Variants in ARAP2 observed in about 807,000 individuals in gnomAD.
ARAP2 encodes the protein ArfGAP with RhoGAP domain, ankyrin repeat and PH domain 2, also known as arf-GAP with Rho-GAP domain, ANK repeat and PH domain-containing protein 2.
ARAP2 carries 148 observed loss-of-function variants against 194.5 expected under a neutral mutation model. That is an observed-to-expected ratio of 0.76 (90% CI 0.67 to 0.87). The LOEUF (loss-of-function observed/expected upper bound fraction) is 0.87. ARAP2 is among the 40% of genes least tolerant of loss of function. The probability of loss-of-function intolerance (pLI) is 0.00; values close to 1 mark genes in which losing one functional copy is unlikely to be tolerated. For synonymous variants in ARAP2, 695 were observed against 683.5 expected (o/e 1.02, Z -0.26); for missense variants, 2,128 against 1,989.7 (o/e 1.07, Z -1.32).
chr4:36,033,479 C>T (rs749372575), intron 5 of ARAP2, among the ~76,000 whole-genome samples: 1 of 127,636 alleles, frequency 7.8e-6, no homozygotes, highest in African/African-American at 2.7e-5. Context: ...CCTTTGCCAA[C>T]TTTTCAATGG....
chr4:36,062,639 T>A (rs950963819), downstream of ARAP2, among the ~76,000 whole-genome samples: 169 of 149,278 alleles, frequency 1.1e-3, no homozygotes, highest in Non-Finnish European at 1.4e-3. Context: ...TGAGAGTGTG[T>A]GTGTGTGTGT....
intron 31 of ARAP2, among the ~76,000 whole-genome samples, chr4:36,076,557 T>C (rs1728290361): frequency 6.6e-6 from 1 of 152,070 alleles, no homozygotes; most frequent in Non-Finnish European, 1.5e-5. Flanking sequence ...TGCCTACGCT[T>C]TAAATTTTGA....
At chr4:36,103,174 C>T (rs1717479794) in intron 27 of ARAP2, among the ~76,000 whole-genome samples, 1 of 151,562 alleles carries the variant, frequency 6.6e-6, no homozygotes, top group African/African-American at 2.4e-5. Context: ...TATTCTAATG[C>T]AAATTTAATT....
intron 1 of ARAP2, among the ~76,000 whole-genome samples, chr4:36,239,899 A>G (rs1053744846): frequency 6.6e-6 from 1 of 152,174 alleles, no homozygotes; most frequent in African/African-American, 2.4e-5. Context: ...AGCCAATTCA[A>G]GTCTTACAAG....
At chr4:36,051,121 A>G (rs1051957628) in intron 3 of ARAP2, among the ~76,000 whole-genome samples, 1 of 152,214 alleles carries the variant, frequency 6.6e-6, no homozygotes, top group Non-Finnish European at 1.5e-5. Context: ...CACTAATGGT[A>G]GTAGGTATAA....
At chr4:36,191,904 A>G (rs913120805) in intron 7 of ARAP2, among the ~76,000 whole-genome samples, 1 of 152,196 alleles carries the variant, frequency 6.6e-6, no homozygotes, top group Non-Finnish European at 1.5e-5. Flanking sequence ...GAGTCCTTAC[A>G]GAGACATGAT....
At chr4:36,221,218 G>C (rs893684540) in intron 2 of ARAP2, among the ~76,000 whole-genome samples, 2 of 151,934 alleles carry the variant, frequency 1.3e-5, no homozygotes, top group Non-Finnish European at 2.9e-5. Flanking sequence ...ATACCATCTA[G>C]ATTTGTGTAA....
chr4:36,204,414 A>T (rs1745086331), intron 6 of ARAP2, among the ~76,000 whole-genome samples: 1 of 152,094 alleles, frequency 6.6e-6, no homozygotes, highest in African/African-American at 2.4e-5. Flanking sequence ...GAAAACATTG[A>T]CTCCCTATCC....
chr4:36,161,408 C>T lies in ARAP2; in HGVS notation c.2259+57G>A, dbSNP rs58969237. On this transcript the variant is annotated intron_variant, in intron 12 of 32. Transcript: ENST00000303965. ...ACCCAAACCCACAGCAAACCTCCTC[C>T]CAGTCTCTGCAAACTGAACCCCTAT... 3.3e-3 allele frequency: 4,667 copies of T among 1,434,658 alleles called. 119 individuals are homozygous for T. In the African/African-American group the frequency reaches 0.057, roughly 18 times the overall value. 88.9% of individuals were successfully genotyped at this position (1,434,658 alleles called of 1,614,324 possible). A position where few individuals can be genotyped will look rare whatever the true frequency, so the allele number is the denominator to read the frequency against.
rs780712990 is a variant in ARAP2, at chr4:36,068,294, A to C, written c.4744-16T>G. ...CTCTTGCACTCTAAAAATAAAATTAAATGTCTCACAGGGAAGCAAGATTTG... is the reference window on the plus strand; with the variant it reads ...CTCTTGCACTCTAAAAATAAAATTACATGTCTCACAGGGAAGCAAGATTTG... On this transcript the variant is annotated splice_polypyrimidine_tract_variant and intron_variant, in intron 32 of 32. Coordinates refer to ENST00000303965, the MANE Select transcript of ARAP2 (RefSeq NM_015230.4). 1.7e-5 allele frequency: 25 copies of C among 1,506,282 alleles called. No homozygotes were observed. The highest frequency in any genetic ancestry group is 2.0e-5 in the Non-Finnish European group (23 of 1,130,052). 93.3% of individuals were successfully genotyped at this position (1,506,282 alleles called of 1,614,324 possible).
downstream of ARAP2, among the ~76,000 whole-genome samples, chr4:36,062,743 T>C (rs946079853): frequency 6.6e-6 from 1 of 152,034 alleles, no homozygotes; most frequent in South Asian, 2.1e-4. Flanking sequence ...GAACTTTAAC[T>C]CATAAAAAGG....
At chr4:36,065,395 GC>G, downstream of ARAP2, 1 of 521,224 alleles carries the variant, frequency 1.9e-6, no homozygotes, top group South Asian at 1.4e-5. Flanking sequence ...CCCAGGAATG[GC>G]TTCTCACACT....
intron 2 of ARAP2, among the ~76,000 whole-genome samples, chr4:36,224,007 ATAACTC>A (rs1276893699): frequency 1.3e-5 from 2 of 152,068 alleles, no homozygotes; most frequent in Non-Finnish European, 2.9e-5. Context: ...AAAGTAATGA[ATAACTC>A]TGATTATAAA....
intron 2 of ARAP2, among the ~76,000 whole-genome samples, chr4:36,225,834 T>C (rs1353465248): frequency 2.0e-5 from 3 of 152,164 alleles, no homozygotes; most frequent in Non-Finnish European, 4.4e-5. Context: ...AATATTTTCT[T>C]TTGGTATATC....
chr4:36,114,339 C>CT (rs1720802474), intron 25 of ARAP2, 52 bp from the exon 26 acceptor site: 1 of 1,117,816 alleles, frequency 8.9e-7, no homozygotes, highest in South Asian at 1.4e-5. Context: ...CAGAAGTAGC[C>CT]TTATGCTAGG....
At position 36,244,377 on chromosome 4, in the gene ARAP2, G is replaced by A. The variant is rs1172911577; in HGVS notation, c.-358C>T. On this transcript the variant is annotated 5_prime_UTR_variant, in exon 1 of 33. Transcript: ENST00000303965. ...GGCCGCGCGGGCGGCGCTGTTAGTGGGGCCGGCGTGTCGCGGCCGCCGCAC... is the reference window on the plus strand; with the variant it reads ...GGCCGCGCGGGCGGCGCTGTTAGTGAGGCCGGCGTGTCGCGGCCGCCGCAC... 2.7e-5 allele frequency: 4 copies of A among 150,654 alleles called. No homozygotes were observed. The highest frequency in any genetic ancestry group is 7.3e-5 in the African/African-American group (3 of 41,174). 9.3% of individuals were successfully genotyped at this position (150,654 alleles called of 1,614,324 possible). A position where few individuals can be genotyped will look rare whatever the true frequency, so the allele number is the denominator to read the frequency against.
At chr4:36,091,671 T>A (rs1713690603) in intron 28 of ARAP2, among the ~76,000 whole-genome samples, 1 of 152,138 alleles carries the variant, frequency 6.6e-6, no homozygotes, top group South Asian at 2.1e-4. Context: ...CCCCTCAAAA[T>A]CTGAGGTGCC....
In ARAP2 at chr4:36,133,350, T is replaced by C. The variant is rs1392519022; in HGVS notation, c.3303A>G (p.Thr1101=). 1 of 1,611,140 alleles carries C rather than the reference T, an allele frequency of 6.2e-7. No homozygotes were observed. The highest frequency in any genetic ancestry group is 1.1e-5 in the South Asian group (1 of 91,000). The change falls in exon 20 of 33, where the codon ACA becomes ACG. Residue 1101 remains threonine (T), a synonymous_variant. Coordinates refer to ENST00000303965, the MANE Select transcript of ARAP2 (RefSeq NM_015230.4). The part of the protein sequence containing the change: ...YIHGHTKLDF[T]VWHTAIEKAA... ...CTTTTTCAATTGCAGTATGCCAGAC[T>C]GTGAAATCCAACTTGGTATGCCCAT...
At chr4:36,064,473 A>C (rs1725055149), downstream of ARAP2, among the ~76,000 whole-genome samples, 1 of 152,206 alleles carries the variant, frequency 6.6e-6, no homozygotes, top group Non-Finnish European at 1.5e-5. Flanking sequence ...CTGTCCCTGC[A>C]GGTAGTGAAT....
Sources: gnomAD v4.1 joint callset for allele counts (sites outside exome capture counted in the v4.1 genomes callset) on GRCh38, gnomAD v4.1.1 for gene constraint, MANE v1.5 for transcripts, NCBI Gene and HGNC (gene_info 2026-07-23, HGNC 2026-07-21) for gene names.